The following C2orf66 variants were observed in gnomAD, a reference collection of about 807,000 sequenced individuals.
C2orf66 encodes the protein uncharacterized protein C2orf66.
Under a neutral mutation model 7.0 loss-of-function variants are expected in C2orf66, and 6 were observed. That is an observed-to-expected ratio of 0.86 (90% confidence interval 0.47 to 1.69). C2orf66 has a LOEUF of 1.69. Ranked by LOEUF, C2orf66 falls within the 40% of genes most tolerant of loss-of-function variation. The pLI, the probability that C2orf66 is intolerant of heterozygous loss-of-function variation, is 0.01. For missense variants in C2orf66, 107 were observed against 112.0 expected (o/e 0.96, Z 0.20); for synonymous variants, 38 against 43.8 (o/e 0.87, Z 0.52).
At chr2:196,809,830 A>G (rs1209463289), upstream of C2orf66, 1 of 152,646 alleles carries the variant, frequency 6.6e-6, no homozygotes, top group African/African-American at 2.4e-5. Flanking sequence ...ATACCACAAC[A>G]GTGTGAGTAG....
the C2orf66 span, among the ~76,000 whole-genome samples, chr2:196,821,191 C>T: frequency 6.6e-6 from 1 of 152,200 alleles, no homozygotes. Flanking sequence ...GGGAACAAGT[C>T]CTTCCATAGG....
At chr2:196,817,011 A>ATT in the C2orf66 span, among the ~76,000 whole-genome samples, 2 of 152,106 alleles carry the variant, frequency 1.3e-5, no homozygotes, top group Admixed American at 1.3e-4. Context: ...TTTATTAAGG[A>ATT]TTTCAAAAGG....
chr2:196,809,152 G>C, intron 1 of C2orf66, 62 bp downstream of exon 1: 1 of 1,490,654 alleles, frequency 6.7e-7, no homozygotes. Context: ...AGAATGCTGT[G>C]TGCGTAAATC....
At chr2:196,823,587 A>G in the C2orf66 span, among the ~76,000 whole-genome samples, 1 of 152,026 alleles carries the variant, frequency 6.6e-6, no homozygotes, top group Non-Finnish European at 1.5e-5. Context: ...AGATCACGCC[A>G]CTGCACTCCA....
upstream of C2orf66, among the ~76,000 whole-genome samples, chr2:196,812,861 T>A (rs1407124835): frequency 6.6e-6 from 1 of 152,098 alleles, no homozygotes; most frequent in Non-Finnish European, 1.5e-5. Context: ...TATATTGGAA[T>A]ACAACTTATA....
chr2:196,811,600 C>T (rs1322776919), upstream of C2orf66, among the ~76,000 whole-genome samples: 2 of 152,078 alleles, frequency 1.3e-5, no homozygotes, highest in East Asian at 1.9e-4. Flanking sequence ...GATATCAAAC[C>T]GAGGCATGGA....
chr2:196,819,821 C>T, the C2orf66 span, among the ~76,000 whole-genome samples: 2 of 152,200 alleles, frequency 1.3e-5, no homozygotes, highest in Admixed American at 1.3e-4. Context: ...TATTTTGTAT[C>T]ATTCACCAGA....
rs760475375 is a variant in C2orf66, at chr2:196,807,538, G to C, written c.208C>G (p.Pro70Ala). 3.9e-5 allele frequency: 63 copies of C among 1,613,608 alleles called. No individual in the cohort carries two copies. Among genetic ancestry groups the C allele is most frequent in the Non-Finnish European group, 5.3e-5 (62 of 1,179,626 alleles). Residue 70 changes from proline to alanine, a missense_variant, in exon 2 of 3, where the codon CCT becomes GCT. Coordinates refer to ENST00000342506, the MANE Select transcript of C2orf66 (RefSeq NM_213608.3). The stretch of plus-strand genomic sequence containing the variant: ...TCTGACTGGAAAGAGAGAGGTCTAG[G>C]ATTTTCATTCGTGGGGAAAGGATTT... The part of the protein sequence containing the change: ...FPNPFPTNEN[P>A]RPLSFQSELT...
the C2orf66 span, among the ~76,000 whole-genome samples, chr2:196,828,459 C>T: frequency 2.0e-5 from 3 of 152,154 alleles, no homozygotes; most frequent in Non-Finnish European, 2.9e-5. Context: ...GTGTAGCATG[C>T]GGACTTCTAA....
At chr2:196,832,066 T>C in the C2orf66 span, 4 of 151,904 alleles carry the variant, frequency 2.6e-5, no homozygotes, top group Non-Finnish European at 5.9e-5. Context: ...ATAAGAAATG[T>C]GAAAAGCGCC....
the C2orf66 span, among the ~76,000 whole-genome samples, chr2:196,815,089 C>T: frequency 1.8e-4 from 28 of 152,190 alleles, no homozygotes; most frequent in African/African-American, 6.3e-4. Flanking sequence ...CCTAGCCTCC[C>T]GAGTAGCTAG....
At chr2:196,814,906 A>C in the C2orf66 span, among the ~76,000 whole-genome samples, 1 of 152,164 alleles carries the variant, frequency 6.6e-6, no homozygotes, top group Admixed American at 6.5e-5. Context: ...TTAACACTGG[A>C]GTTTCCCTGA....
At chr2:196,828,209 A>ATC in the C2orf66 span, among the ~76,000 whole-genome samples, 1,189 of 140,574 alleles carry the variant, frequency 8.5e-3, 13 homozygotes, top group East Asian at 0.011. Context: ...ACGAATCAAA[A>ATC]TCTCTCTCTC....
At chr2:196,808,238 C>T (rs1699837492) in intron 1 of C2orf66, among the ~76,000 whole-genome samples, 1 of 152,182 alleles carries the variant, frequency 6.6e-6, no homozygotes, top group African/African-American at 2.4e-5. Context: ...GGGCTGACAA[C>T]ATATGGGCTC....
the C2orf66 span, among the ~76,000 whole-genome samples, chr2:196,815,414 G>GA: frequency 6.6e-6 from 1 of 152,064 alleles, no homozygotes; most frequent in South Asian, 2.1e-4. Flanking sequence ...GAGAGAAAGA[G>GA]AAAAAAACCC....
the C2orf66 span, among the ~76,000 whole-genome samples, chr2:196,817,009 G>A: frequency 2.6e-5 from 4 of 152,220 alleles, no homozygotes; most frequent in Non-Finnish European, 2.9e-5. Context: ...GTTTTATTAA[G>A]GATTTCAAAA....
chr2:196,816,174 A>G, the C2orf66 span, among the ~76,000 whole-genome samples: 2 of 152,214 alleles, frequency 1.3e-5, 1 homozygote, highest in Admixed American at 1.3e-4. Context: ...GACAGACAGG[A>G]GAGTAGGGGC....
At chr2:196,824,893 A>G in the C2orf66 span, among the ~76,000 whole-genome samples, 7 of 152,210 alleles carry the variant, frequency 4.6e-5, no homozygotes, top group Non-Finnish European at 8.8e-5. Context: ...TCCAAAATAT[A>G]CAAGGAATCC....
At chr2:196,820,874 C>T in the C2orf66 span, among the ~76,000 whole-genome samples, 3 of 152,120 alleles carry the variant, frequency 2.0e-5, no homozygotes, top group Non-Finnish European at 4.4e-5. Flanking sequence ...GGTGAAAATG[C>T]CCACCCCAAA....
Sources: allele counts gnomAD v4.1 joint callset (sites outside exome capture counted in the v4.1 genomes callset), GRCh38; gene constraint gnomAD v4.1.1; transcripts MANE v1.5; gene names NCBI Gene and HGNC (gene_info 2026-07-23, HGNC 2026-07-21).